METTL4: variants seen among roughly 807,000 people sequenced by gnomAD.
METTL4 encodes N(6)-adenine-specific methyltransferase METTL4.
METTL4 carries 40 observed loss-of-function variants against 54.0 expected under a neutral mutation model. The observed-to-expected ratio is 0.74, with a 90% CI of 0.58 to 0.96. METTL4 has a LOEUF of 0.96. Among genes scored for constraint, METTL4 ranks in the 50% least tolerant of loss-of-function variants. METTL4 has a pLI of 0.00. For synonymous variants in METTL4, 169 were observed against 183.8 expected, an observed-to-expected ratio of 0.92 and a Z score of 0.65; for missense variants, 525 against 549.0, an observed-to-expected ratio of 0.96 and a Z score of 0.44.
chr18:2,553,476 T>C (rs1449537339), intron 4 of METTL4: 1 of 152,210 alleles, frequency 6.6e-6, no homozygotes, highest in Non-Finnish European at 1.5e-5. Flanking sequence ...AAAGAGTCTT[T>C]GGTTAAAGTG....
intron 3 of METTL4, chr18:2,555,358 T>C (rs2072224173): frequency 3.5e-6 from 1 of 284,532 alleles, no homozygotes; most frequent in South Asian, 4.0e-5. Context: ...TCTATAGGGA[T>C]TGCATGAGGA....
intron 6 of METTL4, among the ~76,000 whole-genome samples, chr18:2,546,116 G>A (rs2072065913): frequency 6.6e-6 from 1 of 152,052 alleles, no homozygotes; most frequent in South Asian, 2.1e-4. Context: ...CCAAAGTACA[G>A]CATGAAAACA....
In METTL4 at chr18:2,544,208, C is replaced by G; in HGVS notation, c.1260G>C (p.Lys420Asn). Residue 420 changes from lysine to asparagine, a missense_variant, in exon 8 of 9, where the codon AAG becomes AAC. Transcript: ENST00000574538. ...VSVPCTLHSH[K>N]PPLAEVLKDY... Reference sequence around the variant, plus strand: ...ATAAAAACATACCAGCAAGCGGTGGCTTATGTGAGTGAAGAGTACAGGGCA... The same window carrying G: ...ATAAAAACATACCAGCAAGCGGTGGGTTATGTGAGTGAAGAGTACAGGGCA... 1 of 1,607,064 alleles carries G rather than the reference C, an allele frequency of 6.2e-7. No homozygotes were observed. The highest frequency in any genetic ancestry group is 2.2e-5 in the East Asian group (1 of 44,764).
At chr18:2,553,655 T>C (rs529432784) in intron 4 of METTL4, 13 of 152,322 alleles carry the variant, frequency 8.5e-5, no homozygotes, top group Non-Finnish European at 1.3e-4. Context: ...ATTCCATTCA[T>C]TTATTAACTG....
chr18:2,563,709 G>C (rs1385614253), intron 3 of METTL4, 88 bp downstream of exon 3: 1 of 785,886 alleles, frequency 1.3e-6, no homozygotes. Flanking sequence ...GCTTGATTTT[G>C]AAAAAAAATC....
chr18:2,538,995 CAT>C lies in METTL4; in HGVS notation c.*3_*4del, dbSNP rs2071951964. 1 of 1,612,898 alleles carries C rather than the reference CAT, an allele frequency of 6.2e-7. No homozygotes were observed. On this transcript the variant is annotated 3_prime_UTR_variant, in exon 9 of 9. Transcript: ENST00000574538. The stretch of plus-strand genomic sequence containing the variant: ...AAGAAACCACTACTTTAATCAAGAT[CAT>C]AGTCAGCTTCCAGACTCCACAGCAA...
intron 8 of METTL4, chr18:2,540,160 TAAAAG>T (rs2071973559): frequency 1.0e-6 from 1 of 985,172 alleles, no homozygotes; most frequent in Non-Finnish European, 1.2e-6. Flanking sequence ...TTGTCTACAC[TAAAAG>T]AAAAGAAGAA....
chr18:2,540,774 T>C (rs1399929340), intron 8 of METTL4: 1 of 985,334 alleles, frequency 1.0e-6, no homozygotes, highest in African/African-American at 1.7e-5. Flanking sequence ...TCAGTTCACT[T>C]TAATGTGGTC....
chr18:2,560,207 C>A (rs1197475333), intron 3 of METTL4, among the ~76,000 whole-genome samples: 2 of 152,046 alleles, frequency 1.3e-5, no homozygotes, highest in Non-Finnish European at 2.9e-5. Context: ...GTTGCTAAAG[C>A]TGTGCCCAGA....
intron 3 of METTL4, among the ~76,000 whole-genome samples, 197 bp downstream of exon 3, chr18:2,563,600 C>CA (rs67428228): frequency 0.72 from 70,462 of 97,802 alleles, 26,781 homozygotes; most frequent in East Asian, 0.85. Context: ...GACTCTGCCT[C>CA]AAAAAAAAAA....
chr18:2,567,127 A>C lies in METTL4; in HGVS notation c.90T>G (p.His30Gln). 1.2e-6 allele frequency: 2 copies of C among 1,614,152 alleles called. No homozygotes were observed. The highest frequency in any genetic ancestry group is 1.7e-6 in the Non-Finnish European group (2 of 1,179,980). Reference sequence around the variant, plus strand: ...ACTCCTTTTTACGGCAACAAGGTTCATGATGCTGGTGAAGTTGATAGTTTA... The same window carrying C: ...ACTCCTTTTTACGGCAACAAGGTTCCTGATGCTGGTGAAGTTGATAGTTTA... ...NKINYQLHQH[H>Q]EPCCRKKEFT... The change falls in exon 2 of 9, where the codon CAT becomes CAG. Residue 30 changes from histidine to glutamine, a missense_variant. By Grantham distance (24) the His-to-Gln change is conservative (BLOSUM62 0). Transcript: ENST00000574538.
chr18:2,549,510 TATGC>T lies in METTL4; in HGVS notation c.900-1985_900-1982del, dbSNP rs140174036. ...TATCTACAACTAAGCTAAGGACTTGTATGCAAATCCTACTTTATCTCCTTTATTT... is the reference window on the plus strand; with the variant it reads ...TATCTACAACTAAGCTAAGGACTTGTAAATCCTACTTTATCTCCTTTATTT... On this transcript the variant is annotated intron_variant, in intron 5 of 8. Coordinates refer to ENST00000574538, the MANE Select transcript of METTL4 (RefSeq NM_022840.5). Among the ~76,000 whole-genome samples, 208 of 152,228 alleles carry T rather than the reference TATGC, an allele frequency of 1.4e-3. 5 individuals are homozygous for T. The East Asian group carries it at 0.038, about 28-fold the overall frequency.
rs762916951 is a variant in METTL4 at position 2,571,409 on chromosome 18, T to C, written c.-699A>G. 1 of 152,228 alleles carries C rather than the reference T, an allele frequency of 6.6e-6. No individual in the cohort carries two copies. Among genetic ancestry groups the C allele is most frequent in the Non-Finnish European group, 1.5e-5 (1 of 68,040 alleles). The allele number at this position is 152,228 out of a possible 1,614,324, so 9.4% of individuals were successfully genotyped here. On this transcript the variant is annotated 5_prime_UTR_variant, in exon 1 of 9. Transcript: ENST00000574538. ...ACTTTAGGGGTCGTGCCAGTCTTCG[T>C]AGAGACGGCCACACTGGCCCACAGA...
chr18:2,547,589 G>T, intron 5 of METTL4, 60 bp from the exon 6 acceptor site: 9 of 1,342,114 alleles, frequency 6.7e-6, no homozygotes, highest in Non-Finnish European at 9.2e-6. Context: ...AAACTAAGCA[G>T]GGATAAGACA....
chr18:2,543,855 G>A (rs1239853234), intron 8 of METTL4, among the ~76,000 whole-genome samples: 2 of 152,132 alleles, frequency 1.3e-5, no homozygotes, highest in Non-Finnish European at 2.9e-5. Context: ...GAACAAGCAA[G>A]GGATACAGCC....
In METTL4 at chr18:2,563,865, G is replaced by T; in HGVS notation, c.397-6C>A. Reference sequence around the variant, plus strand: ...ACAACACATCTTTTACGCTTCTAAAGGGTAGATCAATTACAGGGGAAAAGT... The same window carrying T: ...ACAACACATCTTTTACGCTTCTAAATGGTAGATCAATTACAGGGGAAAAGT... On this transcript the variant is annotated splice_polypyrimidine_tract_variant and splice_region_variant and intron_variant, in intron 2 of 8. Coordinates refer to ENST00000574538, the MANE Select transcript of METTL4 (RefSeq NM_022840.5). The T allele has an allele frequency of 6.2e-7, 1 of 1,601,792 alleles. No homozygotes were observed. Among genetic ancestry groups the T allele is most frequent in the Non-Finnish European group, 8.5e-7 (1 of 1,174,314 alleles).
intron 3 of METTL4, among the ~76,000 whole-genome samples, chr18:2,559,638 C>T (rs7241659): frequency 0.98 from 149,254 of 152,358 alleles, 73,190 homozygotes; most frequent in East Asian, 1. Flanking sequence ...AAAAAGTTAT[C>T]ATCACCACAG....
chr18:2,547,551 G>A, intron 5 of METTL4, 22 bp from the exon 6 acceptor site: 2 of 1,541,538 alleles, frequency 1.3e-6, no homozygotes. Context: ...CGGAAAAAAG[G>A]ATGAGCAAAA....
rs987433957 is a variant in METTL4 at position 2,538,991 on chromosome 18, A to G, written c.*9T>C. 6.2e-7 allele frequency: 1 copy of G among 1,612,544 alleles called. No homozygotes were observed. Among genetic ancestry groups the G allele is most frequent in the Non-Finnish European group, 8.5e-7 (1 of 1,179,312 alleles). On this transcript the variant is annotated 3_prime_UTR_variant, in exon 9 of 9. Transcript: ENST00000574538. Reference sequence around the variant, plus strand: ...AATGAAGAAACCACTACTTTAATCAAGATCATAGTCAGCTTCCAGACTCCA... The same window carrying G: ...AATGAAGAAACCACTACTTTAATCAGGATCATAGTCAGCTTCCAGACTCCA...
Sources: gnomAD v4.1 joint callset for allele counts (sites outside exome capture counted in the v4.1 genomes callset) on GRCh38, gnomAD v4.1.1 for gene constraint, MANE v1.5 for transcripts, NCBI Gene and HGNC (gene_info 2026-07-23, HGNC 2026-07-21) for gene names.